ZNF865: variants seen among roughly 807,000 people sequenced by gnomAD.
The protein encoded by ZNF865 is zinc finger protein 865.
For missense variants in ZNF865, 1,311 were observed against 1,593.4 expected, an observed-to-expected ratio of 0.82 and a Z score of 3.02; for synonymous variants, 763 against 750.8, an observed-to-expected ratio of 1.02 and a Z score of -0.27.
In ZNF865 at chr19:55,614,826, A is replaced by G. The variant is rs762125638; in HGVS notation, c.1208A>G (p.Asp403Gly). Residue 403 changes from aspartate to glycine, a missense_variant, in exon 2 of 2, where the codon GAC (aspartate) becomes GGC (glycine). Physicochemically the swap from Asp to Gly is moderately conservative, Grantham distance 94. Coordinates refer to ENST00000568956, the MANE Select transcript of ZNF865 (RefSeq NM_001195605.2). This position sits in a 1 kb window ranked among gnomAD's most constrained non-coding sequence, Gnocchi z 8.0. ...LKRHVKTHSA[D>G]LLRLPCGICG... The stretch of plus-strand genomic sequence containing the variant: ...CGCCACGTGAAGACGCACTCGGCCG[A>G]CCTCCTGCGCCTGCCCTGCGGCATC... 2.6e-6 allele frequency: 4 copies of G among 1,534,832 alleles called. No individual in the cohort carries two copies. In the Admixed American group the frequency reaches 7.9e-5, roughly 30 times the overall value.
rs1042528685 is a variant in ZNF865 at position 55,615,044 on chromosome 19, G to C, written c.1426G>C (p.Gly476Arg). The change falls in exon 2 of 2, where the codon GGG becomes CGG. Residue 476 changes from glycine to arginine, a missense_variant. Gly to Arg is a moderately radical substitution (Grantham distance 125). Transcript: ENST00000568956. ...PAAAAEAPKD[G>R]AASAPQPPPT... ...TGCCGCTGCGGAGGCGCCCAAGGAC[G>C]GGGCGGCCTCGGCCCCGCAGCCCCC... 24 of 1,262,220 alleles carry C rather than the reference G, an allele frequency of 1.9e-5. No homozygotes were observed. The highest frequency in any genetic ancestry group is 4.8e-5 in the African/African-American group (3 of 62,418). 78.2% of individuals were successfully genotyped at this position (1,262,220 alleles called of 1,614,324 possible). A position where few individuals can be genotyped will look rare whatever the true frequency, so the allele number is the denominator to read the frequency against.
chr19:55,609,502 TTTA>T (rs1568524421), intron 1 of ZNF865, among the ~76,000 whole-genome samples: 1 of 152,214 alleles, frequency 6.6e-6, no homozygotes, highest in Non-Finnish European at 1.5e-5. Flanking sequence ...CACGTTACTC[TTTA>T]TTAACAAACC....
intron 1 of ZNF865, chr19:55,612,708 C>G (rs1322668536): frequency 6.6e-6 from 1 of 152,104 alleles, no homozygotes; most frequent in Non-Finnish European, 1.5e-5. Context: ...TGCCAGGAAC[C>G]GCCCCCTAAG....
At chr19:55,606,222 G>T (rs573494928) in intron 1 of ZNF865, among the ~76,000 whole-genome samples, 1 of 152,050 alleles carries the variant, frequency 6.6e-6, no homozygotes, top group South Asian at 2.1e-4. Flanking sequence ...CAATGGCCCT[G>T]ACCACCTCCC....
At chr19:55,609,346 T>C (rs1437877984) in intron 1 of ZNF865, among the ~76,000 whole-genome samples, 1 of 152,172 alleles carries the variant, frequency 6.6e-6, no homozygotes, top group African/African-American at 2.4e-5. Context: ...AATTTATCTC[T>C]CTGGCCCTCA....
intron 1 of ZNF865, among the ~76,000 whole-genome samples, chr19:55,610,338 G>A (rs1422332680): frequency 6.6e-6 from 1 of 152,182 alleles, no homozygotes; most frequent in African/African-American, 2.4e-5. Context: ...TCAGCTCACT[G>A]CAACCTCCAC....
In ZNF865 at chr19:55,616,565, G is replaced by A. The variant is rs1981367765; in HGVS notation, c.2947G>A (p.Glu983Lys). 2.0e-6 allele frequency: 3 copies of A among 1,531,644 alleles called. No individual in the cohort carries two copies. Among genetic ancestry groups the A allele is most frequent in the Non-Finnish European group, 1.7e-6 (2 of 1,144,866 alleles). The allele number at this position is 1,531,644 out of a possible 1,614,324, so 94.9% of individuals were successfully genotyped here. A position where few individuals can be genotyped will look rare whatever the true frequency, so the allele number is the denominator to read the frequency against. The change falls in exon 2 of 2, where the codon GAG becomes AAG. Residue 983 changes from glutamate (E) to lysine (K), a missense_variant. Glu to Lys is a moderately conservative substitution (Grantham distance 56). Coordinates refer to ENST00000568956, the MANE Select transcript of ZNF865 (RefSeq NM_001195605.2). ...CGTGCTGCGCCACCAGCGCGCCCAT[G>A]AGCCGCCGCGGCCCGAGCTCCGCTG... ...SSVLRHQRAH[E>K]PPRPELRCPA...
chr19:55,610,989 T>G (rs1360406450), intron 1 of ZNF865, among the ~76,000 whole-genome samples: 1 of 152,096 alleles, frequency 6.6e-6, no homozygotes, highest in Non-Finnish European at 1.5e-5. Context: ...CATCCCTAAA[T>G]AAAGCTCTTA....
At chr19:55,606,721 G>A (rs1009521751) in intron 1 of ZNF865, among the ~76,000 whole-genome samples, 1 of 152,224 alleles carries the variant, frequency 6.6e-6, no homozygotes, top group Non-Finnish European at 1.5e-5. Flanking sequence ...TTCCTTCTGC[G>A]TTGAACGCAT....
intron 1 of ZNF865, 31 bp from the exon 2 acceptor site, chr19:55,613,562 C>T (rs1981213811): frequency 1.4e-5 from 21 of 1,454,662 alleles, no homozygotes; most frequent in East Asian, 2.5e-5. Flanking sequence ...GCGCCGCGGC[C>T]GTGTCCTCAG....
Position 55,616,536 on chromosome 19 carries a change from G to C in ZNF865, c.2918G>C (p.Ser973Thr). ...TGCGGCAAGGGCTTCTTCTACCTGA[G>C]CTCCGTGCTGCGCCACCAGCGCGCC... ...EHCGKGFFYL[S>T]SVLRHQRAHE... Residue 973 changes from serine (S) to threonine (T), a missense_variant, in exon 2 of 2, where the codon AGC becomes ACC. Transcript: ENST00000568956. The C allele has an allele frequency of 6.5e-7, 1 of 1,533,984 alleles. No individual in the cohort carries two copies. The highest frequency in any genetic ancestry group is 8.7e-7 in the Non-Finnish European group (1 of 1,145,960).
intron 1 of ZNF865, among the ~76,000 whole-genome samples, chr19:55,608,027 T>G (rs1015069159): frequency 5.3e-5 from 8 of 152,044 alleles, no homozygotes; most frequent in African/African-American, 1.7e-4. Context: ...AGAAGTAGAT[T>G]ATGTGAGGTT....
rs1464009517 is a variant in ZNF865 at position 55,615,266 on chromosome 19, T to G, written c.1648T>G (p.Phe550Val). ...GGGCGCCAGCGTCCCAGGAAAGACG[T>G]TCTGCTGCGGCATCTGCGGGCGCGG... is the stretch of plus-strand genomic sequence containing the variant. ...GSGASVPGKTFCCGICGRGFG... is the reference protein window; with the variant it reads ...GSGASVPGKTVCCGICGRGFG... The change falls in exon 2 of 2, where the codon TTC (phenylalanine) becomes GTC (valine). Residue 550 changes from phenylalanine (F) to valine (V), a missense_variant. Coordinates refer to ENST00000568956, the MANE Select transcript of ZNF865 (RefSeq NM_001195605.2). The G allele has an allele frequency of 6.6e-7, 1 of 1,522,900 alleles. No homozygotes were observed. The highest frequency in any genetic ancestry group is 1.4e-5 in the African/African-American group (1 of 70,788). 94.3% of individuals were successfully genotyped at this position (1,522,900 alleles called of 1,614,324 possible).
intron 1 of ZNF865, among the ~76,000 whole-genome samples, chr19:55,606,760 A>G (rs1286647793): frequency 1.3e-5 from 2 of 152,226 alleles, no homozygotes; most frequent in Admixed American, 1.3e-4. Context: ...AGGGTATAAT[A>G]TACAGCCACG....
In ZNF865 at chr19:55,614,780, A is replaced by C. The variant is rs1205775464; in HGVS notation, c.1162A>C (p.Asn388His). Reference protein sequence around the residue: ...FSCSVCSKSFNRRESLKRHVK... With the variant: ...FSCSVCSKSFHRRESLKRHVK... Reference sequence around the variant, plus strand: ...CTGCTCCGTGTGCAGCAAAAGCTTCAACCGCAGGGAGAGTCTGAAGCGCCA... The same window carrying C: ...CTGCTCCGTGTGCAGCAAAAGCTTCCACCGCAGGGAGAGTCTGAAGCGCCA... Residue 388 changes from asparagine to histidine, a missense_variant, in exon 2 of 2, where the codon AAC becomes CAC. Asn to His is a moderately conservative substitution (Grantham distance 68, BLOSUM62 1). Coordinates refer to ENST00000568956, the MANE Select transcript of ZNF865 (RefSeq NM_001195605.2). This position sits in a 1 kb window ranked among gnomAD's most constrained non-coding sequence, Gnocchi z 8.0. 11 of 1,562,270 alleles carry C rather than the reference A, an allele frequency of 7.0e-6. No homozygotes were observed. The highest frequency in any genetic ancestry group is 9.5e-6 in the Non-Finnish European group (11 of 1,162,986).
chr19:55,613,869 C>A lies in ZNF865; in HGVS notation c.251C>A (p.Thr84Asn). 1 of 1,499,518 alleles carries A rather than the reference C, an allele frequency of 6.7e-7. No homozygotes were observed. The highest frequency in any genetic ancestry group is 1.2e-5 in the South Asian group (1 of 83,002). 92.9% of individuals were successfully genotyped at this position (1,499,518 alleles called of 1,614,324 possible). Reference sequence around the variant, plus strand: ...CAGTATGACTACCCGCCCCAGTCCACCTTCAAGCCCAAGGCGGAGGTGCCC... The same window carrying A: ...CAGTATGACTACCCGCCCCAGTCCAACTTCAAGCCCAAGGCGGAGGTGCCC... ...PPQYDYPPQS[T>N]FKPKAEVPSS... is the part of the protein sequence containing the mutation. The change falls in exon 2 of 2, where the codon ACC becomes AAC. Residue 84 changes from threonine (T) to asparagine (N), a missense_variant. Thr to Asn is a moderately conservative substitution (Grantham distance 65, BLOSUM62 0). Coordinates refer to ENST00000568956, the MANE Select transcript of ZNF865 (RefSeq NM_001195605.2).
rs1336993505 is a variant in ZNF865, at chr19:55,614,365, G to A, written c.747G>A (p.Glu249=). The A allele has an allele frequency of 5.4e-6, 8 of 1,486,834 alleles. No homozygotes were observed. The highest frequency in any genetic ancestry group is 7.1e-6 in the Non-Finnish European group (8 of 1,123,036). The allele number at this position is 1,486,834 out of a possible 1,614,324, so 92.1% of individuals were successfully genotyped here. ...LVQHMLVHSG[E]RPYECGVCGR... ...AGCACATGCTGGTGCACTCGGGGGA[G>A]AGGCCCTACGAATGCGGCGTCTGCG... Residue 249 remains glutamate, a synonymous_variant, in exon 2 of 2, where the codon GAG becomes GAA. Transcript: ENST00000568956. This position sits in a 1 kb window ranked among gnomAD's most constrained non-coding sequence, Gnocchi z 8.0.
At chr19:55,610,551 G>A (rs549454253) in intron 1 of ZNF865, among the ~76,000 whole-genome samples, 15 of 152,288 alleles carry the variant, frequency 9.8e-5, no homozygotes, top group African/African-American at 3.1e-4. Context: ...GTGGGCCACC[G>A]CACCTGGCCA....
intron 1 of ZNF865, among the ~76,000 whole-genome samples, chr19:55,610,282 T>TA (rs1470047007): frequency 3.9e-5 from 6 of 152,298 alleles, no homozygotes; most frequent in Middle Eastern, 3.4e-3. Flanking sequence ...GTTTTTGAGA[T>TA]GGAGTCGCGC....
Sources: gnomAD v4.1 joint callset for allele counts (sites outside exome capture counted in the v4.1 genomes callset) on GRCh38, gnomAD v4.1.1 for gene constraint, Gnocchi (gnomAD v3.1) non-coding constraint, MANE v1.5 for transcripts, NCBI Gene and HGNC (gene_info 2026-07-23, HGNC 2026-07-21) for gene names.